SLC14A1: variants seen among roughly 807,000 people sequenced by gnomAD.
The protein encoded by SLC14A1 is urea transporter 1.
A neutral mutation model predicts 39.6 loss-of-function variants in SLC14A1; 36 were observed. That is an observed-to-expected ratio of 0.91 (90% CI 0.70 to 1.20). The LOEUF (loss-of-function observed/expected upper bound fraction) is 1.20. Among genes scored for constraint, SLC14A1 ranks in the 50% most tolerant of loss-of-function variants. The pLI is 0.00. For synonymous variants in SLC14A1, 164 were observed against 173.6 expected (o/e 0.94, Z 0.43); for missense variants, 469 against 478.7 (o/e 0.98, Z 0.19).
chr18:45,731,442 C>T (rs181024119), intron 4 of SLC14A1: 39 of 560,960 alleles, frequency 7.0e-5, no homozygotes, highest in Non-Finnish European at 1.2e-4. Flanking sequence ...TACGTGCTAA[C>T]CAGAACTAAG....
At position 45,751,498 on chromosome 18, in the gene SLC14A1, G is replaced by A. The variant is rs1468802364; in HGVS notation, c.*1547G>A. ...TACTGAAGACAGCAACAGAAGTCAC[G>A]TTCAGGGACTGGCTCACACCTGTAA... On this transcript the variant is annotated 3_prime_UTR_variant, in exon 10 of 10. Transcript: ENST00000321925. The A allele has an allele frequency of 5.1e-6, 5 of 984,346 alleles. No homozygotes were observed. The highest frequency in any genetic ancestry group is 6.0e-6 in the Non-Finnish European group (5 of 829,694). 61.0% of individuals were successfully genotyped at this position (984,346 alleles called of 1,614,324 possible). A position where few individuals can be genotyped will look rare whatever the true frequency, so the allele number is the denominator to read the frequency against.
chr18:45,734,440 A>AC (rs1300995731), intron 5 of SLC14A1, 38 bp downstream of exon 5: 18 of 1,609,936 alleles, frequency 1.1e-5, no homozygotes, highest in Admixed American at 1.7e-5. Flanking sequence ...CTTTTTGAAA[A>AC]AAAAAACATG....
intron 2 of SLC14A1, chr18:45,726,905 C>T (rs1307652075): frequency 3.0e-5 from 6 of 198,520 alleles, no homozygotes; most frequent in Non-Finnish European, 6.3e-5. Context: ...AACATGAACC[C>T]CCTCCTCCCC....
In SLC14A1 at chr18:45,751,633, AT is replaced by A; in HGVS notation, c.*1684del. On this transcript the variant is annotated 3_prime_UTR_variant, in exon 10 of 10. Transcript: ENST00000321925. Reference sequence around the variant, plus strand: ...TCTCTTAAAAAATAAAAATAGTAACATTAGCCAGGTGTAGCAGCACACATCT... The same window carrying A: ...TCTCTTAAAAAATAAAAATAGTAACATAGCCAGGTGTAGCAGCACACATCT... 1.8e-6 allele frequency: 1 copy of A among 541,720 alleles called. No individual in the cohort carries two copies. Among genetic ancestry groups the A allele is most frequent in the Non-Finnish European group, 2.3e-6 (1 of 425,560 alleles). The allele number at this position is 541,720 out of a possible 1,614,324, so 33.6% of individuals were successfully genotyped here.
chr18:45,739,089 G>C, intron 6 of SLC14A1, 74 bp from the exon 7 acceptor site: 1 of 1,455,656 alleles, frequency 6.9e-7, no homozygotes, highest in Non-Finnish European at 9.7e-7. Flanking sequence ...TTACATTGTA[G>C]GAGTTTGTGG....
intron 2 of SLC14A1, chr18:45,727,360 C>T: frequency 1.3e-6 from 2 of 1,551,606 alleles, no homozygotes; most frequent in Non-Finnish European, 1.7e-6. Flanking sequence ...GCTGGTGACG[C>T]AGCGCGCAGA....
rs2046802142 is a variant in SLC14A1, at chr18:45,724,182, C to T, written c.-177C>T. ...AACTGTTAGGTGCCTCCCTCCAGCACCATCTCCTGAGAAGCACTCTCCCTT... is the reference window on the plus strand; with the variant it reads ...AACTGTTAGGTGCCTCCCTCCAGCATCATCTCCTGAGAAGCACTCTCCCTT... On this transcript the variant is annotated 5_prime_UTR_variant, in exon 1 of 10. Coordinates refer to ENST00000321925, the MANE Select transcript of SLC14A1 (RefSeq NM_015865.7). The T allele has an allele frequency of 6.6e-6, 1 of 152,212 alleles. No homozygotes were observed. Among genetic ancestry groups the T allele is most frequent in the South Asian group, 2.1e-4 (1 of 4,832 alleles). The allele number at this position is 152,212 out of a possible 1,614,324, so 9.4% of individuals were successfully genotyped here.
chr18:45,741,918 G>A (rs1401356178), intron 8 of SLC14A1, among the ~76,000 whole-genome samples: 1 of 152,158 alleles, frequency 6.6e-6, no homozygotes, highest in Non-Finnish European at 1.5e-5. Flanking sequence ...TTATTTTTCT[G>A]GAGGAAGTAG....
intron 9 of SLC14A1, 95 bp from the exon 10 acceptor site, chr18:45,749,683 C>A: frequency 1.4e-6 from 2 of 1,432,904 alleles, no homozygotes; most frequent in Non-Finnish European, 2.0e-6. Flanking sequence ...GTGGTTCATC[C>A]CCCTGGGCTG....
chr18:45,733,702 C>A (rs918647256), intron 4 of SLC14A1, among the ~76,000 whole-genome samples: 1 of 152,200 alleles, frequency 6.6e-6, no homozygotes, highest in Non-Finnish European at 1.5e-5. Flanking sequence ...GCCGTGACAC[C>A]TGTAGAGGGA....
chr18:45,727,538 A>G, intron 2 of SLC14A1: 3 of 1,216,462 alleles, frequency 2.5e-6, no homozygotes, highest in Non-Finnish European at 3.3e-6. Flanking sequence ...AGCCAAAGGC[A>G]CAGGGATCTT....
At chr18:45,742,998 T>G (rs1419519984) in intron 8 of SLC14A1, among the ~76,000 whole-genome samples, 17 of 152,270 alleles carry the variant, frequency 1.1e-4, no homozygotes, top group Non-Finnish European at 1.5e-5. Flanking sequence ...TGATGAGGTT[T>G]TGACAGACCA....
In SLC14A1 at chr18:45,751,004, A is replaced by T; in HGVS notation, c.*1053A>T. The T allele has an allele frequency of 2.0e-6, 2 of 985,258 alleles. No individual in the cohort carries two copies. The highest frequency in any genetic ancestry group is 2.4e-6 in the Non-Finnish European group (2 of 829,792). 61.0% of individuals were successfully genotyped at this position (985,258 alleles called of 1,614,324 possible). A position where few individuals can be genotyped will look rare whatever the true frequency, so the allele number is the denominator to read the frequency against. On this transcript the variant is annotated 3_prime_UTR_variant, in exon 10 of 10. Transcript: ENST00000321925. The stretch of plus-strand genomic sequence containing the variant: ...AAAGCTCATTATTTTTTGCACACTC[A>T]CAATATTCTCTCTCAGAAATCAATG...
intron 2 of SLC14A1, chr18:45,727,113 G>T: frequency 1.5e-6 from 1 of 675,942 alleles, no homozygotes; most frequent in African/African-American, 1.8e-5. Flanking sequence ...TTCTTCATTA[G>T]CGGTCTCCCA....
intron 5 of SLC14A1, among the ~76,000 whole-genome samples, chr18:45,735,418 G>GC (rs982024137): frequency 4.0e-5 from 6 of 151,878 alleles, no homozygotes; most frequent in East Asian, 1.9e-4. Context: ...TTACCCACCT[G>GC]CCCCCCAGGT....
chr18:45,730,531 C>A, intron 3 of SLC14A1, 60 bp downstream of exon 3: 1 of 1,556,594 alleles, frequency 6.4e-7, no homozygotes, highest in East Asian at 2.2e-5. Context: ...AAATGGTTTC[C>A]TGGTACTTCT....
intron 2 of SLC14A1, chr18:45,726,745 G>GT (rs1200221892): frequency 6.5e-6 from 1 of 152,860 alleles, no homozygotes; most frequent in Non-Finnish European, 1.5e-5. Flanking sequence ...AGCGTGGCTA[G>GT]TATCTTATTA....
rs868527298 is a variant in SLC14A1 at position 45,730,375 on chromosome 18, G to A, written c.55G>A (p.Glu19Lys). 6.2e-7 allele frequency: 1 copy of A among 1,614,180 alleles called. No individual in the cohort carries two copies. Among genetic ancestry groups the A allele is most frequent in the Non-Finnish European group, 8.5e-7 (1 of 1,180,018 alleles). ...RVDSPTMVRG[E>K]NQVSPCQGRR... Reference sequence around the variant, plus strand: ...GGACAGCCCCACTATGGTTAGGGGTGAAAACCAGGTTTCGCCATGTCAAGG... The same window carrying A: ...GGACAGCCCCACTATGGTTAGGGGTAAAAACCAGGTTTCGCCATGTCAAGG... Residue 19 changes from glutamate to lysine, a missense_variant, in exon 3 of 10, where the codon GAA becomes AAA. By Grantham distance (56) the Glu-to-Lys change is moderately conservative. Coordinates refer to ENST00000321925, the MANE Select transcript of SLC14A1 (RefSeq NM_015865.7).
chr18:45,731,571 G>A, intron 4 of SLC14A1: 1 of 340,318 alleles, frequency 2.9e-6, no homozygotes, highest in South Asian at 2.5e-5. Flanking sequence ...AGTTTTAGTG[G>A]CTTAATAACC....
Sources: gnomAD v4.1 joint callset for allele counts (sites outside exome capture counted in the v4.1 genomes callset) on GRCh38, gnomAD v4.1.1 for gene constraint, MANE v1.5 for transcripts, NCBI Gene and HGNC (gene_info 2026-07-23, HGNC 2026-07-21) for gene names.